TFDP2: variants seen among roughly 807,000 people sequenced by gnomAD.
TFDP2 encodes the protein transcription factor Dp-2 (E2F dimerization partner 2).
In TFDP2, 17 loss-of-function variants were observed where a neutral mutation model predicts 59.3. The observed-to-expected ratio is 0.29, with a 90% CI of 0.20 to 0.43. The LOEUF (loss-of-function observed/expected upper bound fraction) is 0.43, where lower values mean the gene tolerates loss of function less well. Among genes scored for constraint, TFDP2 ranks in the 20% least tolerant of loss-of-function variants. The probability of loss-of-function intolerance (pLI) is 1.00; values close to 1 mark genes in which losing one functional copy is unlikely to be tolerated. For missense variants in TFDP2, 391 were observed against 528.8 expected (o/e 0.74, Z 2.56); for synonymous variants, 180 against 194.7 (o/e 0.92, Z 0.63).
intron 3 of TFDP2, among the ~76,000 whole-genome samples, chr3:142,017,768 G>A (rs901536753): frequency 4.0e-5 from 6 of 151,758 alleles, no homozygotes; most frequent in Admixed American, 3.9e-4. Flanking sequence ...GGTCAGGCTG[G>A]TTTCGAACGC....
At chr3:142,123,050 C>A (rs1286350594) in intron 1 of TFDP2, among the ~76,000 whole-genome samples, 1 of 151,996 alleles carries the variant, frequency 6.6e-6, no homozygotes, top group Non-Finnish European at 1.5e-5. Flanking sequence ...CAACTTTCAC[C>A]TCCCAAGCTC....
chr3:141,958,947 CT>C (rs984082447), intron 11 of TFDP2, among the ~76,000 whole-genome samples: 1,051 of 103,674 alleles, frequency 0.01, 6 homozygotes, highest in African/African-American at 0.033. Flanking sequence ...GATGTACCTA[CT>C]TTTTTTTTTT....
At chr3:142,092,154 C>T (rs1014829795) in intron 3 of TFDP2, among the ~76,000 whole-genome samples, 36 of 152,144 alleles carry the variant, frequency 2.4e-4, no homozygotes, top group African/African-American at 8.7e-4. Context: ...TATAATACCA[C>T]CCACTTTACC....
chr3:141,968,529 G>GAT (rs1259567065), intron 9 of TFDP2, among the ~76,000 whole-genome samples: 2,616 of 85,704 alleles, frequency 0.031, 121 homozygotes, highest in Non-Finnish European at 0.043. Flanking sequence ...CATATATATA[G>GAT]ATATATATAA....
chr3:141,960,923 C>T (rs1937271013), intron 10 of TFDP2, among the ~76,000 whole-genome samples: 1 of 152,090 alleles, frequency 6.6e-6, no homozygotes. Context: ...GGATAACAAG[C>T]TTGTACAAGC....
intron 11 of TFDP2, among the ~76,000 whole-genome samples, chr3:141,957,847 TG>T (rs1936891341): frequency 6.6e-6 from 1 of 152,274 alleles, no homozygotes; most frequent in Non-Finnish European, 1.5e-5. Context: ...TTAATGGGTT[TG>T]GGTTTCTTTT....
chr3:142,000,481 C>T (rs985214385), intron 4 of TFDP2: 4 of 487,572 alleles, frequency 8.2e-6, no homozygotes, highest in African/African-American at 7.7e-5. Flanking sequence ...AATACCACCA[C>T]AGTAGGGATT....
At chr3:142,119,065 G>A (rs1276736175) in intron 1 of TFDP2, among the ~76,000 whole-genome samples, 1 of 152,108 alleles carries the variant, frequency 6.6e-6, no homozygotes, top group Non-Finnish European at 1.5e-5. Flanking sequence ...GGTGGCTGAG[G>A]CATGAGAACA....
intron 6 of TFDP2, among the ~76,000 whole-genome samples, chr3:141,981,132 T>TA (rs1017449633): frequency 7.2e-5 from 11 of 151,988 alleles, no homozygotes; most frequent in Non-Finnish European, 5.9e-5. Flanking sequence ...GGTGTATCAT[T>TA]AAAAAAAATC....
At position 142,116,664 on chromosome 3, in the gene TFDP2, G is replaced by A. The variant is rs115240441; in HGVS notation, c.-92-14823C>T. On this transcript the variant is annotated intron_variant, in intron 1 of 12. Coordinates refer to ENST00000489671, the MANE Select transcript of TFDP2 (RefSeq NM_001178139.2). Reference sequence around the variant, plus strand: ...GTGGTCCTAGGAAAGTAACACAATGGGTTTTGCACACTATTATAGTTACAC... The same window carrying A: ...GTGGTCCTAGGAAAGTAACACAATGAGTTTTGCACACTATTATAGTTACAC... Among the ~76,000 whole-genome samples, 935 of 152,070 alleles carry A rather than the reference G, an allele frequency of 6.1e-3. 2 individuals are homozygous for A. Among genetic ancestry groups the A allele is most frequent in the Middle Eastern group, 0.01 (3 of 294 alleles).
At chr3:142,043,221 G>GT (rs1947112658) in intron 3 of TFDP2, among the ~76,000 whole-genome samples, 1 of 137,256 alleles carries the variant, frequency 7.3e-6, no homozygotes, top group Admixed American at 7.4e-5. Context: ...TAATTTTTTT[G>GT]TATTTTTAGT....
At position 142,091,235 on chromosome 3, in the gene TFDP2, GA is replaced by G. The variant is rs1413228779; in HGVS notation, c.82+1825del. Among the ~76,000 whole-genome samples the G allele has an allele frequency of 7.2e-5, 11 of 151,854 alleles. No individual in the cohort carries two copies. The South Asian group carries it at 2.3e-3, about 32-fold the overall frequency. On this transcript the variant is annotated intron_variant, in intron 3 of 12. Coordinates refer to ENST00000489671, the MANE Select transcript of TFDP2 (RefSeq NM_001178139.2). ...ATTTTCTATGAATGTTGTCATGTGG[GA>G]AAAAAAATGAGGAGCATTGAGGCTT...
intron 1 of TFDP2, among the ~76,000 whole-genome samples, chr3:142,135,793 C>T (rs923990498): frequency 6.6e-6 from 1 of 152,070 alleles, no homozygotes; most frequent in Non-Finnish European, 1.5e-5. Flanking sequence ...ATTTCTTAAT[C>T]CAGTCTATCA....
chr3:142,067,787 G>C (rs2060120013), intron 3 of TFDP2, among the ~76,000 whole-genome samples: 1 of 152,060 alleles, frequency 6.6e-6, no homozygotes, highest in Non-Finnish European at 1.5e-5. Flanking sequence ...AAGATAGCTT[G>C]AGCCTAGGAG....
At chr3:142,075,162 C>A (rs780169275) in intron 3 of TFDP2, among the ~76,000 whole-genome samples, 19 of 152,110 alleles carry the variant, frequency 1.2e-4, no homozygotes, top group Non-Finnish European at 2.5e-4. Context: ...ATGAATATGA[C>A]AGATACGAAA....
intron 7 of TFDP2, among the ~76,000 whole-genome samples, chr3:141,978,172 C>T (rs1471075715): frequency 1.3e-5 from 2 of 151,684 alleles, no homozygotes; most frequent in Admixed American, 6.6e-5. Flanking sequence ...TGGTGAAACA[C>T]TGTCTCTACT....
rs117221102 is a variant in TFDP2 at position 142,033,766 on chromosome 3, C to T, written c.83-28222G>A. Among the ~76,000 whole-genome samples the T allele has an allele frequency of 4.1e-4, 62 of 152,196 alleles. No individual in the cohort carries two copies. In the East Asian group the frequency reaches 7.5e-3, roughly 18 times the overall value. Reference sequence around the variant, plus strand: ...TTGTTTAGTTATAAGGGACAGAAATCGAACTCAAACTAGTTTAACATGAAA... The same window carrying T: ...TTGTTTAGTTATAAGGGACAGAAATTGAACTCAAACTAGTTTAACATGAAA... On this transcript the variant is annotated intron_variant, in intron 3 of 12. Transcript: ENST00000489671.
At chr3:142,043,879 G>T in intron 3 of TFDP2, 1 of 1,135,834 alleles carries the variant, frequency 8.8e-7, no homozygotes, top group Non-Finnish European at 1.3e-6. Context: ...AATCTTCTTA[G>T]ATTCACAGTA....
At chr3:142,044,480 C>A (rs968235792) in intron 3 of TFDP2, among the ~76,000 whole-genome samples, 11 of 152,054 alleles carry the variant, frequency 7.2e-5, no homozygotes, top group Admixed American at 1.3e-4. Flanking sequence ...ATGATCTGCC[C>A]ATCTCGGCTT....
Sources: gnomAD v4.1 joint callset for allele counts (sites outside exome capture counted in the v4.1 genomes callset) on GRCh38, gnomAD v4.1.1 for gene constraint, MANE v1.5 for transcripts, NCBI Gene and HGNC (gene_info 2026-07-23, HGNC 2026-07-21) for gene names.